The following TRPV1 variants were observed in gnomAD, a reference collection of about 807,000 sequenced individuals.
TRPV1 encodes OTRPC1.
TRPV1 carries 82 observed loss-of-function variants against 82.3 expected under a neutral mutation model. That is an observed-to-expected ratio of 1.00 (90% confidence interval 0.83 to 1.20). The LOEUF is 1.20. TRPV1 is among the 50% of genes most tolerant of loss of function. The pLI, the probability that TRPV1 is intolerant of heterozygous loss-of-function variation, is 0.00. For missense variants in TRPV1, 1,067 were observed against 1,096.8 expected (o/e 0.97, Z 0.38); for synonymous variants, 515 against 467.7 (o/e 1.10, Z -1.30).
intron 2 of TRPV1, among the ~76,000 whole-genome samples, chr17:3,599,629 TTTC>T (rs2075247261): frequency 7.0e-6 from 1 of 143,000 alleles, no homozygotes; most frequent in Admixed American, 7.1e-5. Flanking sequence ...CTTTTTTTCT[TTTC>T]TTTTTTTTTT....
chr17:3,572,196 C>T lies in TRPV1; in HGVS notation c.2157G>A (p.Lys719=), dbSNP rs877610. The T allele has an allele frequency of 0.051, 82,896 of 1,612,558 alleles. 2,717 individuals are homozygous for T. The highest frequency in any genetic ancestry group is 0.16 in the African/African-American group (11,684 of 74,996). Residue 719 remains lysine (K), a synonymous_variant, in exon 15 of 17, where the codon AAG becomes AAA. Coordinates refer to ENST00000572705, the MANE Select transcript of TRPV1 (RefSeq NM_080704.4). ...GCAGCAGCTTGCCTGAGCGGAAGGC[C>T]TTCCTCATGCACTTAAGGAAGCTCT... The part of the protein sequence containing the change: ...TEKSFLKCMR[K]AFRSGKLLQV...
rs368703901 is a variant in TRPV1, at chr17:3,592,243, G to C, written c.108C>G (p.Ala36=). 3 of 1,610,068 alleles carry C rather than the reference G, an allele frequency of 1.9e-6. No homozygotes were observed. Among genetic ancestry groups the C allele is most frequent in the South Asian group, 2.2e-5 (2 of 90,484 alleles). The part of the protein sequence containing the change: ...DGDPNSRPPP[A]KPQLSTAKSR... Reference sequence around the variant, plus strand: ...TCTTGGCCGTGGAGAGCTGGGGCTTGGCTGGAGGTGGCCTGGAGTTAGGGT... The same window carrying C: ...TCTTGGCCGTGGAGAGCTGGGGCTTCGCTGGAGGTGGCCTGGAGTTAGGGT... The change falls in exon 3 of 17, where the codon GCC becomes GCG. Residue 36 remains alanine (A), a synonymous_variant. Transcript: ENST00000572705.
chr17:3,585,687 T>A (rs1176254519), intron 9 of TRPV1, 81 bp downstream of exon 9: 23 of 1,489,618 alleles, frequency 1.5e-5, no homozygotes, highest in Non-Finnish European at 2.1e-5. Context: ...GGGCCTGGGG[T>A]CGGGGAGGTC....
intron 13 of TRPV1, among the ~76,000 whole-genome samples, chr17:3,576,644 T>C (rs1483377338): frequency 5.9e-5 from 4 of 67,612 alleles, no homozygotes; most frequent in Admixed American, 2.2e-4. Flanking sequence ...AGAGCTAGAC[T>C]CTGTATGAGA....
In TRPV1 at chr17:3,590,919, C is replaced by T. The variant is rs780681833; in HGVS notation, c.604+45G>A. On this transcript the variant is annotated intron_variant, in intron 5 of 16. Transcript: ENST00000572705. Reference sequence around the variant, plus strand: ...GGGACAACCATGCCCCCCTGCTTCCCGGTGCTGCGGGCTGAGCCATGCCCG... The same window carrying T: ...GGGACAACCATGCCCCCCTGCTTCCTGGTGCTGCGGGCTGAGCCATGCCCG... 8.9e-5 allele frequency: 135 copies of T among 1,523,406 alleles called. No individual in the cohort carries two copies. In the East Asian group the frequency reaches 1.5e-3, roughly 17 times the overall value. 94.4% of individuals were successfully genotyped at this position (1,523,406 alleles called of 1,614,324 possible). A position where few individuals can be genotyped will look rare whatever the true frequency, so the allele number is the denominator to read the frequency against.
At chr17:3,574,112 A>G (rs1332197872) in intron 13 of TRPV1, among the ~76,000 whole-genome samples, 157 bp from the exon 14 acceptor site, 1 of 152,216 alleles carries the variant, frequency 6.6e-6, no homozygotes, top group Admixed American at 6.5e-5. Context: ...TTTTCATAGT[A>G]TATTTTTAAG....
At chr17:3,574,883 A>G (rs1260300628) in intron 13 of TRPV1, among the ~76,000 whole-genome samples, 1 of 139,296 alleles carries the variant, frequency 7.2e-6, no homozygotes, top group Non-Finnish European at 1.5e-5. Context: ...GCGCCACTGC[A>G]CTCCAGCCTG....
intron 13 of TRPV1, among the ~76,000 whole-genome samples, chr17:3,575,800 A>G (rs1470787057): frequency 6.6e-6 from 1 of 152,142 alleles, no homozygotes; most frequent in Non-Finnish European, 1.5e-5. Flanking sequence ...CCAAAAATGC[A>G]TGCCTGGCTA....
At chr17:3,607,084 A>G (rs1028934961) in intron 2 of TRPV1, among the ~76,000 whole-genome samples, 1 of 152,216 alleles carries the variant, frequency 6.6e-6, no homozygotes, top group East Asian at 1.9e-4. Context: ...ATGGTGGCTA[A>G]CGCCTGTAAT....
intron 2 of TRPV1, among the ~76,000 whole-genome samples, chr17:3,595,106 G>A (rs2075206949): frequency 2.6e-5 from 4 of 152,164 alleles, no homozygotes; most frequent in Admixed American, 2.0e-4. Flanking sequence ...AGTGCGGACA[G>A]CCCTGGCAGC....
In TRPV1 at chr17:3,598,519, C is replaced by A. The variant is rs369309087; in HGVS notation, c.-33-6136G>T. Among the ~76,000 whole-genome samples the A allele has an allele frequency of 5.3e-5, 8 of 151,722 alleles. No individual in the cohort carries two copies. The East Asian group carries it at 1.5e-3, about 29-fold the overall frequency. On this transcript the variant is annotated intron_variant, in intron 2 of 16. Transcript: ENST00000572705. ...CGTTGGTCTAGGCATAAAAGCCAGG[C>A]CCATCCCACCACGCCACACCCCACC...
At chr17:3,599,627 C>CT (rs2075247214) in intron 2 of TRPV1, among the ~76,000 whole-genome samples, 2 of 141,166 alleles carry the variant, frequency 1.4e-5, no homozygotes, top group African/African-American at 5.5e-5. Flanking sequence ...TCCTTTTTTT[C>CT]TTTTCTTTTT....
At chr17:3,579,475 T>C (rs2074976869) in intron 11 of TRPV1, among the ~76,000 whole-genome samples, 1 of 151,962 alleles carries the variant, frequency 6.6e-6, no homozygotes, top group Non-Finnish European at 1.5e-5. Flanking sequence ...ACATCCACAA[T>C]GTTCTATTTA....
At chr17:3,587,551 G>A (rs111516167) in intron 8 of TRPV1, among the ~76,000 whole-genome samples, 5 of 152,304 alleles carry the variant, frequency 3.3e-5, no homozygotes, top group Admixed American at 2.0e-4. Context: ...TGGCGCAGTG[G>A]TTCACACCTG....
In TRPV1 at chr17:3,572,142, G is replaced by A. The variant is rs779578236; in HGVS notation, c.2211C>T (p.Asp737=). The A allele has an allele frequency of 3.0e-5, 49 of 1,613,396 alleles. No individual in the cohort carries two copies. The Admixed American group carries it at 6.0e-4, about 20-fold the overall frequency. ...ATTACCTGAAGCACCACCGGTAGTC[G>A]TCCTTGCCATCAGGTGTGTACCCCA... is the stretch of plus-strand genomic sequence containing the variant. ...LQVGYTPDGK[D]DYRWCFRVDE... The change falls in exon 15 of 17, where the codon GAC becomes GAT. Residue 737 remains aspartate, a synonymous_variant. Coordinates refer to ENST00000572705, the MANE Select transcript of TRPV1 (RefSeq NM_080704.4).
Position 3,580,537 on chromosome 17 carries a change from A to C in TRPV1, c.1477-10T>G, listed in dbSNP as rs757355966. ...GCAGGAAATACTGAATCTGCAGGTAAACAGAGAGAGTAAGATCCCAGGCAA... is the reference window on the plus strand; with the variant it reads ...GCAGGAAATACTGAATCTGCAGGTACACAGAGAGAGTAAGATCCCAGGCAA... On this transcript the variant is annotated splice_polypyrimidine_tract_variant and intron_variant, in intron 10 of 16. Transcript: ENST00000572705. 7 of 1,613,868 alleles carry C rather than the reference A, an allele frequency of 4.3e-6. No individual in the cohort carries two copies. In the Admixed American group the frequency reaches 1.2e-4, roughly 27 times the overall value.
chr17:3,599,376 T>C (rs1361064826), intron 2 of TRPV1, among the ~76,000 whole-genome samples: 3 of 152,196 alleles, frequency 2.0e-5, no homozygotes, highest in African/African-American at 7.2e-5. Flanking sequence ...GCATCATCCA[T>C]GCACAGAACT....
At chr17:3,570,037 A>G (rs67484540) in intron 16 of TRPV1, among the ~76,000 whole-genome samples, 39,900 of 124,296 alleles carry the variant, frequency 0.32, 7,617 homozygotes, top group East Asian at 0.62. Flanking sequence ...AGCGGTCAGG[A>G]AGGAGGGGTC....
chr17:3,586,700 A>T (rs1367953664), intron 8 of TRPV1, among the ~76,000 whole-genome samples: 1 of 152,140 alleles, frequency 6.6e-6, no homozygotes, highest in African/African-American at 2.4e-5. Context: ...GAACCCCAGG[A>T]AGCAGAAGTT....
Sources: allele counts gnomAD v4.1 joint callset (sites outside exome capture counted in the v4.1 genomes callset), GRCh38; gene constraint gnomAD v4.1.1; transcripts MANE v1.5; gene names NCBI Gene and HGNC (gene_info 2026-07-23, HGNC 2026-07-21).